The following GOLM1 variants were observed in gnomAD, a reference collection of about 807,000 sequenced individuals.
GOLM1 encodes the protein epididymis luminal protein 46.
GOLM1 carries 31 observed loss-of-function variants against 50.5 expected under a neutral mutation model. The observed-to-expected ratio is 0.61, with a 90% CI of 0.46 to 0.83. GOLM1 has a LOEUF of 0.83. Ranked by LOEUF, GOLM1 falls within the 40% of genes least tolerant of loss-of-function variation. The pLI is 0.00. For synonymous variants in GOLM1, 178 were observed against 192.8 expected (o/e 0.92, Z 0.64); for missense variants, 491 against 501.3 (o/e 0.98, Z 0.20).
chr9:86,044,015 G>T (rs1446644570), intron 5 of GOLM1, among the ~76,000 whole-genome samples: 1 of 152,130 alleles, frequency 6.6e-6, no homozygotes, highest in African/African-American at 2.4e-5. Context: ...CTTTAATTAT[G>T]AGCCTAACTC....
chr9:86,046,206 A>G (rs111865667), intron 5 of GOLM1, among the ~76,000 whole-genome samples: 1 of 152,318 alleles, frequency 6.6e-6, no homozygotes, highest in Non-Finnish European at 1.5e-5. Flanking sequence ...TTAAAGCTTT[A>G]TGTTGTTGAC....
chr9:86,046,539 C>T lies in GOLM1; in HGVS notation c.398G>A (p.Arg133Lys). The change falls in exon 5 of 10, where the codon AGG becomes AAG. Residue 133 changes from arginine to lysine, a missense_variant. Arg to Lys is a conservative substitution (Grantham distance 26). Coordinates refer to ENST00000388712, the MANE Select transcript of GOLM1 (RefSeq NM_016548.4). ...QLKTLQRNYG[R>K]LQQDVLQFQK... The stretch of plus-strand genomic sequence containing the variant: ...AAACTGGAGGACATCCTGCTGCAGC[C>T]TGCCGTAATTCCTCTGCAGGGTCTT... The T allele has an allele frequency of 1.2e-6, 2 of 1,613,274 alleles. No homozygotes were observed. The highest frequency in any genetic ancestry group is 1.1e-5 in the South Asian group (1 of 90,970).
chr9:86,088,287 C>G (rs1432156922), intron 1 of GOLM1, among the ~76,000 whole-genome samples: 2 of 151,402 alleles, frequency 1.3e-5, no homozygotes, highest in Non-Finnish European at 2.9e-5. Context: ...GTGGTGATCT[C>G]CCCTTTACCA....
intron 8 of GOLM1, 110 bp downstream of exon 8, chr9:86,035,258 T>G: frequency 6.5e-7 from 1 of 1,529,136 alleles, no homozygotes; most frequent in South Asian, 1.3e-5. Flanking sequence ...AATTGTGGAC[T>G]GCTGTTTGGT....
intron 1 of GOLM1, among the ~76,000 whole-genome samples, chr9:86,093,568 CA>C (rs35939357): frequency 0.11 from 13,991 of 124,496 alleles, 695 homozygotes; most frequent in South Asian, 0.17. Flanking sequence ...AGATTTCTGT[CA>C]AAAAAAAAAA....
intron 1 of GOLM1, among the ~76,000 whole-genome samples, chr9:86,096,539 G>A (rs571835183): frequency 2.0e-5 from 3 of 152,280 alleles, no homozygotes; most frequent in South Asian, 2.1e-4. Context: ...TCAGAGGTCT[G>A]TTTATTCCAC....
At chr9:86,031,191 C>T (rs1832968734) in intron 9 of GOLM1, among the ~76,000 whole-genome samples, 1 of 151,258 alleles carries the variant, frequency 6.6e-6, no homozygotes, top group African/African-American at 2.4e-5. Flanking sequence ...GCCTGGGCAA[C>T]AGAGTGAGAC....
intron 5 of GOLM1, among the ~76,000 whole-genome samples, chr9:86,044,509 T>C (rs565222549): frequency 6.6e-6 from 1 of 152,218 alleles, no homozygotes; most frequent in Non-Finnish European, 1.5e-5. Context: ...GAATGCAATT[T>C]GACAATTCAC....
At position 86,027,490 on chromosome 9, in the gene GOLM1, CAA is replaced by C. The variant is rs1832821079; in HGVS notation, c.*325_*326del. 2.7e-6 allele frequency: 3 copies of C among 1,112,116 alleles called. No homozygotes were observed. Among genetic ancestry groups the C allele is most frequent in the African/African-American group, 1.7e-5 (1 of 60,278 alleles). 68.9% of individuals were successfully genotyped at this position (1,112,116 alleles called of 1,614,324 possible). On this transcript the variant is annotated 3_prime_UTR_variant, in exon 10 of 10. Coordinates refer to ENST00000388712, the MANE Select transcript of GOLM1 (RefSeq NM_016548.4). ...TTCTATAGGTGGCTGTTAATTTACA[CAA>C]AGTTATATTCCAGAATCAGGAAGCC...
intron 3 of GOLM1, among the ~76,000 whole-genome samples, chr9:86,075,780 TTC>T (rs1834592603): frequency 6.6e-6 from 1 of 151,968 alleles, no homozygotes; most frequent in South Asian, 2.1e-4. Context: ...GCTCTTTTTT[TTC>T]TTTTTCTTTT....
At chr9:86,029,198 A>C (rs1270318260) in intron 9 of GOLM1, among the ~76,000 whole-genome samples, 3 of 152,178 alleles carry the variant, frequency 2.0e-5, no homozygotes, top group African/African-American at 7.2e-5. Context: ...GATGACCAAC[A>C]ATGTGCCATG....
Position 86,057,483 on chromosome 9 carries a change from C to T in GOLM1, c.310-4892G>A, listed in dbSNP as rs554266033. Reference sequence around the variant, plus strand: ...AGAGGAGTGTTTGGGAGGAGTGCCTCCCGGCTCCCACCTGTGGGCTCACCC... The same window carrying T: ...AGAGGAGTGTTTGGGAGGAGTGCCTTCCGGCTCCCACCTGTGGGCTCACCC... On this transcript the variant is annotated intron_variant, in intron 3 of 9. Transcript: ENST00000388712. Among the ~76,000 whole-genome samples, 3 of 152,144 alleles carry T rather than the reference C, an allele frequency of 2.0e-5. 1 individual carries two copies. The East Asian group carries it at 5.8e-4, about 30-fold the overall frequency.
intron 1 of GOLM1, among the ~76,000 whole-genome samples, chr9:86,082,586 G>GT (rs1261781490): frequency 6.6e-6 from 1 of 151,884 alleles, no homozygotes; most frequent in Admixed American, 6.6e-5. Context: ...GACTACAGGT[G>GT]TGTGCCACCA....
chr9:86,048,592 T>C (rs1833635056), intron 4 of GOLM1, among the ~76,000 whole-genome samples: 1 of 152,200 alleles, frequency 6.6e-6, no homozygotes. Flanking sequence ...TGGTATCTCA[T>C]TGTGGTTTTG....
At chr9:86,064,422 G>A (rs756343484) in intron 3 of GOLM1, among the ~76,000 whole-genome samples, 6 of 151,992 alleles carry the variant, frequency 3.9e-5, no homozygotes, top group Non-Finnish European at 8.8e-5. Flanking sequence ...CCCTCCTCTT[G>A]GCTGCCTCCC....
At position 86,032,828 on chromosome 9, in the gene GOLM1, G is replaced by A. The variant is rs73476953; in HGVS notation, c.1129+454C>T. On this transcript the variant is annotated intron_variant, in intron 9 of 9. Transcript: ENST00000388712. ...AATCCACCACAAGCAAACAGACAAG[G>A]CCAGAGTTTGATACATTCTACAAGA... Among the ~76,000 whole-genome samples, 1,271 of 152,250 alleles carry A rather than the reference G, an allele frequency of 8.3e-3. 24 individuals are homozygous for A. Among genetic ancestry groups the A allele is most frequent in the African/African-American group, 0.029 (1,225 of 41,552 alleles).
intron 9 of GOLM1, among the ~76,000 whole-genome samples, chr9:86,031,083 G>A (rs941955088): frequency 2.6e-5 from 4 of 152,096 alleles, no homozygotes; most frequent in East Asian, 3.9e-4. Flanking sequence ...GGTGGCGTGC[G>A]CCTCTAATCT....
intron 8 of GOLM1, chr9:86,035,035 G>A (rs1488751166): frequency 1.0e-6 from 1 of 985,266 alleles, no homozygotes; most frequent in Non-Finnish European, 1.2e-6. Context: ...GCACGACGGT[G>A]GACATACAAA....
intron 4 of GOLM1, among the ~76,000 whole-genome samples, chr9:86,048,271 C>A (rs1833621600): frequency 2.6e-5 from 4 of 152,112 alleles, no homozygotes; most frequent in Non-Finnish European, 5.9e-5. Context: ...TCCAGTCTAT[C>A]ACTGTTGGAC....
Sources: allele counts gnomAD v4.1 joint callset (sites outside exome capture counted in the v4.1 genomes callset), GRCh38; gene constraint gnomAD v4.1.1; transcripts MANE v1.5; gene names NCBI Gene and HGNC (gene_info 2026-07-23, HGNC 2026-07-21).